The following IMMP1L variants were observed in gnomAD, a reference collection of about 807,000 sequenced individuals.
IMMP1L encodes the protein mitochondrial inner membrane protease subunit 1.
A neutral mutation model predicts 21.8 loss-of-function variants in IMMP1L; 24 were observed. That is an observed-to-expected ratio of 1.10 (90% CI 0.80 to 1.55). The LOEUF is 1.55. IMMP1L is among the 40% of genes most tolerant of loss of function. The pLI is 0.00. For missense variants in IMMP1L, 195 were observed against 200.7 expected (o/e 0.97, Z 0.17); for synonymous variants, 46 against 62.8 (o/e 0.73, Z 1.26).
chr11:31,454,371 G>A (rs554631351), intron 4 of IMMP1L, among the ~76,000 whole-genome samples: 1 of 147,750 alleles, frequency 6.8e-6, no homozygotes, highest in East Asian at 2.0e-4. Context: ...AGGAGCATCT[G>A]AGCCCTGGAG....
At chr11:31,506,658 TAAAA>T (rs775050688) in intron 1 of IMMP1L, among the ~76,000 whole-genome samples, 2 of 125,216 alleles carry the variant, frequency 1.6e-5, no homozygotes, top group African/African-American at 5.9e-5. Context: ...TTATCTTTGT[TAAAA>T]AAAAAAAAAA....
chr11:31,505,673 T>G (rs1565020965), intron 1 of IMMP1L, among the ~76,000 whole-genome samples: 1 of 152,214 alleles, frequency 6.6e-6, no homozygotes, highest in East Asian at 1.9e-4. Flanking sequence ...CGTCTACCTC[T>G]CCTTCCTCCC....
intron 4 of IMMP1L, among the ~76,000 whole-genome samples, chr11:31,454,762 C>T (rs1472368162): frequency 3.9e-5 from 6 of 152,168 alleles, no homozygotes; most frequent in Non-Finnish European, 7.3e-5. Flanking sequence ...TTTGTACAGA[C>T]ATCCTCCTCT....
intron 1 of IMMP1L, among the ~76,000 whole-genome samples, chr11:31,476,572 T>C (rs945795744): frequency 6.6e-6 from 1 of 152,070 alleles, no homozygotes; most frequent in Non-Finnish European, 1.5e-5. Context: ...AGTTAAAATG[T>C]TAAAGTTTAA....
chr11:31,482,701 C>T (rs535006385), intron 1 of IMMP1L, among the ~76,000 whole-genome samples: 6 of 152,022 alleles, frequency 3.9e-5, no homozygotes, highest in African/African-American at 7.2e-5. Flanking sequence ...GGGAAAAAAA[C>T]GAGTGTTGGA....
intron 1 of IMMP1L, among the ~76,000 whole-genome samples, chr11:31,503,734 C>A (rs1955697311): frequency 6.6e-6 from 1 of 152,236 alleles, no homozygotes; most frequent in South Asian, 2.1e-4. Context: ...TTAATAGAAG[C>A]AAACAGATTT....
chr11:31,466,856 T>C (rs1954373850), intron 1 of IMMP1L, among the ~76,000 whole-genome samples: 1 of 152,136 alleles, frequency 6.6e-6, no homozygotes. Flanking sequence ...CACTGTTGGA[T>C]GAATACGGTT....
chr11:31,495,272 C>T (rs897276866), intron 1 of IMMP1L, among the ~76,000 whole-genome samples: 1 of 152,218 alleles, frequency 6.6e-6, no homozygotes, highest in African/African-American at 2.4e-5. Context: ...CCTTCCAAGT[C>T]TCTAGGAAGT....
At chr11:31,452,383 G>A in intron 4 of IMMP1L, 1 of 985,226 alleles carries the variant, frequency 1.0e-6, no homozygotes, top group Non-Finnish European at 1.2e-6. Context: ...GTGTATTTCT[G>A]AGCCCTGGCC....
At chr11:31,453,136 T>A in intron 4 of IMMP1L, 1 of 1,284,104 alleles carries the variant, frequency 7.8e-7, no homozygotes, top group South Asian at 1.2e-5. Context: ...TTGCTTGCCA[T>A]GTGGTCTTTT....
At chr11:31,475,952 A>G (rs1954714773) in intron 1 of IMMP1L, among the ~76,000 whole-genome samples, 1 of 152,206 alleles carries the variant, frequency 6.6e-6, no homozygotes, top group African/African-American at 2.4e-5. Flanking sequence ...AATACTGACC[A>G]GGTTTAGTAA....
At chr11:31,500,530 A>T (rs1293741813) in intron 1 of IMMP1L, among the ~76,000 whole-genome samples, 1 of 151,882 alleles carries the variant, frequency 6.6e-6, no homozygotes, top group Middle Eastern at 3.2e-3. Context: ...CAAAGGAGTT[A>T]ATCTTCCTAA....
intron 1 of IMMP1L, among the ~76,000 whole-genome samples, chr11:31,502,881 C>G (rs1955665773): frequency 6.6e-6 from 1 of 152,136 alleles, no homozygotes; most frequent in Non-Finnish European, 1.5e-5. Flanking sequence ...CCATTAAAAA[C>G]ACTTTGTTTG....
At chr11:31,452,558 T>C (rs1419652304) in intron 4 of IMMP1L, 19 of 985,402 alleles carry the variant, frequency 1.9e-5, no homozygotes, top group Non-Finnish European at 2.3e-5. Context: ...AGCAGCAAAC[T>C]GAGGAATTCC....
intron 3 of IMMP1L, among the ~76,000 whole-genome samples, chr11:31,459,762 C>T (rs1243798880): frequency 6.6e-6 from 1 of 152,090 alleles, no homozygotes; most frequent in East Asian, 1.9e-4. Flanking sequence ...TAGTGACACA[C>T]AATATTTGCC....
chr11:31,475,706 T>C (rs141171113), intron 1 of IMMP1L, among the ~76,000 whole-genome samples: 1 of 152,206 alleles, frequency 6.6e-6, no homozygotes, highest in Non-Finnish European at 1.5e-5. Context: ...CCAAATTTCT[T>C]ATAAGTTATC....
intron 4 of IMMP1L, among the ~76,000 whole-genome samples, chr11:31,434,219 CCTT>C (rs1349687957): frequency 6.6e-6 from 1 of 152,226 alleles, no homozygotes; most frequent in East Asian, 1.9e-4. Context: ...ATGATGGTGA[CCTT>C]CTCCTAAATG....
At chr11:31,503,751 G>T (rs1247831265) in intron 1 of IMMP1L, among the ~76,000 whole-genome samples, 1 of 152,150 alleles carries the variant, frequency 6.6e-6, no homozygotes. Flanking sequence ...ATTTTGCTGG[G>T]TAGTCAACTT....
intron 4 of IMMP1L, among the ~76,000 whole-genome samples, chr11:31,434,952 C>T (rs1377559850): frequency 6.6e-6 from 1 of 151,960 alleles, no homozygotes; most frequent in East Asian, 1.9e-4. Flanking sequence ...GTGTACATCA[C>T]AGTCATCAAA....
Sources: gnomAD v4.1 joint callset for allele counts (sites outside exome capture counted in the v4.1 genomes callset) on GRCh38, gnomAD v4.1.1 for gene constraint, MANE v1.5 for transcripts, NCBI Gene and HGNC (gene_info 2026-07-23, HGNC 2026-07-21) for gene names.